The following SEPTIN9 variants were observed in gnomAD, a reference collection of about 807,000 sequenced individuals.
The protein encoded by SEPTIN9 is septin-9.
A neutral mutation model predicts 56.6 loss-of-function variants in SEPTIN9; 13 were observed. The observed-to-expected ratio is 0.23, with a 90% confidence interval of 0.15 to 0.37. The LOEUF (loss-of-function observed/expected upper bound fraction) is 0.37. SEPTIN9 is among the 10% of genes least tolerant of loss of function. SEPTIN9 has a pLI of 1.00. For missense variants in SEPTIN9, 650 were observed against 823.1 expected (o/e 0.79, Z 2.57); for synonymous variants, 332 against 334.1 (o/e 0.99, Z 0.07).
At chr17:77,455,051 T>C (rs866097379) in intron 3 of SEPTIN9, among the ~76,000 whole-genome samples, 11 of 151,890 alleles carry the variant, frequency 7.2e-5, no homozygotes, top group Admixed American at 1.3e-4. Flanking sequence ...TCTCTTTCTT[T>C]TTTTTTTTTC....
chr17:77,290,544 A>G (rs959978353), intron 1 of SEPTIN9, among the ~76,000 whole-genome samples: 2 of 151,560 alleles, frequency 1.3e-5, no homozygotes, highest in South Asian at 2.1e-4. Flanking sequence ...ATAAATTCTT[A>G]GGGCCGGGAG....
chr17:77,492,567 G>T lies in SEPTIN9; in HGVS notation c.1381-54G>T. On this transcript the variant is annotated intron_variant, in intron 8 of 11. Transcript: ENST00000427177. The surrounding 1 kb of genome is among the most constrained non-coding windows in gnomAD (Gnocchi z 5.4). ...GGAGGTCATGTGGCAAACACCAGTG[G>T]GTGGGTAGAGCTTGCCACAGGGATG... 6.6e-7 allele frequency: 1 copy of T among 1,512,498 alleles called. No individual in the cohort carries two copies. Among genetic ancestry groups the T allele is most frequent in the South Asian group, 1.1e-5 (1 of 89,090 alleles). The allele number at this position is 1,512,498 out of a possible 1,614,324, so 93.7% of individuals were successfully genotyped here. A position where few individuals can be genotyped will look rare whatever the true frequency, so the allele number is the denominator to read the frequency against.
intron 4 of SEPTIN9, among the ~76,000 whole-genome samples, chr17:77,485,129 G>GGGT (rs1331968563): frequency 1.4e-5 from 2 of 146,146 alleles, no homozygotes; most frequent in Non-Finnish European, 3.0e-5. Context: ...GTGGTGATGT[G>GGGT]GGTGGTGGTG....
At chr17:77,407,974 C>A (rs938513063) in intron 3 of SEPTIN9, among the ~76,000 whole-genome samples, 10 of 152,010 alleles carry the variant, frequency 6.6e-5, no homozygotes, top group African/African-American at 2.4e-4. Context: ...CAGAGCCCCC[C>A]CCACCAGAGT....
chr17:77,357,066 A>G (rs1031576298), intron 2 of SEPTIN9, among the ~76,000 whole-genome samples: 5 of 151,998 alleles, frequency 3.3e-5, no homozygotes, highest in Non-Finnish European at 7.4e-5. Flanking sequence ...GGACAGGCAG[A>G]CAAGGTGTCG....
chr17:77,315,693 G>A (rs1030207935), intron 2 of SEPTIN9, among the ~76,000 whole-genome samples: 2 of 152,204 alleles, frequency 1.3e-5, no homozygotes, highest in Admixed American at 1.3e-4. Flanking sequence ...TCCAGAGCCC[G>A]GCCAGTGCTA....
rs1489897047 is a variant in SEPTIN9, at chr17:77,281,508, T to C, written c.-28T>C. On this transcript the variant is annotated 5_prime_UTR_variant, in exon 1 of 12. Coordinates refer to ENST00000427177, the MANE Select transcript of SEPTIN9 (RefSeq NM_001113491.2). ...GCCCCGCTGCCTCGCCGCCACACTT[T>C]CCTGGGAGCGGCGGCCACGGAGGCA... 2.6e-6 allele frequency: 4 copies of C among 1,546,414 alleles called. No individual in the cohort carries two copies. The highest frequency in any genetic ancestry group is 1.2e-5 in the South Asian group (1 of 83,848).
chr17:77,336,895 G>A (rs1303538400), intron 2 of SEPTIN9, among the ~76,000 whole-genome samples: 1 of 151,434 alleles, frequency 6.6e-6, no homozygotes, highest in Non-Finnish European at 1.5e-5. Flanking sequence ...ACATGAATGG[G>A]TATGATTTTA....
intron 2 of SEPTIN9, among the ~76,000 whole-genome samples, chr17:77,344,969 CAAAAAAAAAAAAAAAA>C (rs35165946): frequency 1.5e-5 from 1 of 67,956 alleles, no homozygotes; most frequent in Non-Finnish European, 3.0e-5. Flanking sequence ...AAGACTGCCT[CAAAAAAAAAAAAAAAA>C]AAAAAAAAAA....
At chr17:77,338,206 A>G (rs1236899288) in intron 2 of SEPTIN9, among the ~76,000 whole-genome samples, 1 of 152,144 alleles carries the variant, frequency 6.6e-6, no homozygotes, top group African/African-American at 2.4e-5. Context: ...CAAAAAAAAA[A>G]GAAAAAAGTT....
intron 3 of SEPTIN9, among the ~76,000 whole-genome samples, chr17:77,448,484 CAA>C (rs746241410): frequency 6.1e-4 from 73 of 118,740 alleles, no homozygotes; most frequent in Admixed American, 6.0e-4. Context: ...CCCCGGCAAC[CAA>C]AAAAAAAAAA....
In SEPTIN9 at chr17:77,356,625, C is replaced by T. The variant is rs559587775; in HGVS notation, c.77-45434C>T. Reference sequence around the variant, plus strand: ...TGCTCCTCCTCCTTCTATGTTTCCTCTTGTTCTTATTTCTCCTCTTGTATC... The same window carrying T: ...TGCTCCTCCTCCTTCTATGTTTCCTTTTGTTCTTATTTCTCCTCTTGTATC... On this transcript the variant is annotated intron_variant, in intron 2 of 11. Transcript: ENST00000427177. 4.5e-3 allele frequency among the ~76,000 whole-genome samples: 638 copies of T among 142,242 alleles called. 8 individuals are homozygous for T. Among genetic ancestry groups the T allele is most frequent in the African/African-American group, 0.016 (606 of 37,522 alleles). 93.3% of individuals were successfully genotyped at this position (142,242 alleles called of 152,430 possible). A position where few individuals can be genotyped will look rare whatever the true frequency, so the allele number is the denominator to read the frequency against.
At chr17:77,484,320 ATGG>A (rs200881925) in intron 4 of SEPTIN9, among the ~76,000 whole-genome samples, 1,669 of 67,418 alleles carry the variant, frequency 0.025, 32 homozygotes, top group East Asian at 0.11. Flanking sequence ...GGTGATTGTG[ATGG>A]TGGTGGTGGT....
At chr17:77,333,806 AT>A (rs201715028) in intron 2 of SEPTIN9, among the ~76,000 whole-genome samples, 14 of 150,136 alleles carry the variant, frequency 9.3e-5, no homozygotes, top group East Asian at 5.9e-4. Context: ...TCCAAACTTC[AT>A]TTTTTTTTAA....
intron 1 of SEPTIN9, among the ~76,000 whole-genome samples, chr17:77,299,451 C>G (rs1404884677): frequency 6.6e-6 from 1 of 152,204 alleles, no homozygotes; most frequent in Non-Finnish European, 1.5e-5. Context: ...TGCCTACAAT[C>G]CCAGTGCTTT....
intron 2 of SEPTIN9, among the ~76,000 whole-genome samples, chr17:77,347,603 G>A (rs2033929032): frequency 6.6e-6 from 1 of 151,632 alleles, no homozygotes; most frequent in Non-Finnish European, 1.5e-5. Context: ...TATTTATGTA[G>A]CCTCTCCAGC....
rs2039839834 is a variant in SEPTIN9, at chr17:77,487,417, TC to T, written c.914-3del. The T allele has an allele frequency of 6.3e-7, 1 of 1,596,424 alleles. No individual in the cohort carries two copies. The highest frequency in any genetic ancestry group is 1.3e-5 in the African/African-American group (1 of 74,542). On this transcript the variant is annotated splice_polypyrimidine_tract_variant and splice_region_variant and intron_variant, in intron 4 of 11. Transcript: ENST00000427177. This position sits in a 1 kb window ranked among gnomAD's most constrained non-coding sequence, Gnocchi z 4.3. Reference sequence around the variant, plus strand: ...GACCCCTGACCGGCCTCCCATCCTCTCCCCAGGGCAGAGCGGCTTGGGTAAA... The same window carrying T: ...GACCCCTGACCGGCCTCCCATCCTCTCCCAGGGCAGAGCGGCTTGGGTAAA...
Position 77,399,155 on chromosome 17 carries a change from C to T in SEPTIN9, c.77-2904C>T, listed in dbSNP as rs116524843. Among the ~76,000 whole-genome samples, 898 of 152,296 alleles carry T rather than the reference C, an allele frequency of 5.9e-3. 10 individuals carry two copies. The highest frequency in any genetic ancestry group is 0.02 in the African/African-American group (848 of 41,554). ...CCTGGCTGGAATAAATCATTGCATC[C>T]GCACCGTAGACTCAATCGTAAGCTC... On this transcript the variant is annotated intron_variant, in intron 2 of 11. Transcript: ENST00000427177.
chr17:77,452,892 A>AACAAG (rs2038039126), intron 3 of SEPTIN9, among the ~76,000 whole-genome samples: 1 of 149,738 alleles, frequency 6.7e-6, no homozygotes, highest in African/African-American at 2.5e-5. Flanking sequence ...TCCTTGTTGG[A>AACAAG]AAGGTGGGAT....
Sources: allele counts gnomAD v4.1 joint callset (sites outside exome capture counted in the v4.1 genomes callset), GRCh38; gene constraint gnomAD v4.1.1; non-coding constraint Gnocchi (gnomAD v3.1); transcripts MANE v1.5; gene names NCBI Gene and HGNC (gene_info 2026-07-23, HGNC 2026-07-21).